FERMT2: variants seen among roughly 807,000 people sequenced by gnomAD.
FERMT2 encodes the protein fermitin family homolog 2.
A neutral mutation model predicts 82.7 loss-of-function variants in FERMT2; 15 were observed. The observed-to-expected ratio is 0.18, with a 90% CI of 0.12 to 0.28. FERMT2 has a LOEUF of 0.28. FERMT2 is among the 10% of genes least tolerant of loss of function. The pLI, the probability that FERMT2 is intolerant of heterozygous loss-of-function variation, is 1.00. For synonymous variants in FERMT2, 274 were observed against 271.5 expected, an observed-to-expected ratio of 1.01 and a Z score of -0.09; for missense variants, 645 against 809.4, an observed-to-expected ratio of 0.80 and a Z score of 2.46.
chr14:52,874,294 G>T, intron 8 of FERMT2, 68 bp from the exon 9 acceptor site: 1 of 938,942 alleles, frequency 1.1e-6, no homozygotes, highest in Non-Finnish European at 1.6e-6. Context: ...TTTGGTATCT[G>T]ATATCAAGAA....
intron 9 of FERMT2, among the ~76,000 whole-genome samples, chr14:52,873,275 G>C (rs1885742234): frequency 6.6e-6 from 1 of 152,196 alleles, no homozygotes; most frequent in African/African-American, 2.4e-5. Flanking sequence ...AAAATTCCTA[G>C]ATCCTGTAAT....
intron 3 of FERMT2, among the ~76,000 whole-genome samples, chr14:52,901,205 C>T (rs1312097415): frequency 7.4e-6 from 1 of 134,808 alleles, no homozygotes; most frequent in Non-Finnish European, 1.5e-5. Context: ...GGCTTGAACC[C>T]GGGAGGCGGA....
chr14:52,866,488 A>G (rs560298074), intron 10 of FERMT2, among the ~76,000 whole-genome samples: 1 of 152,184 alleles, frequency 6.6e-6, no homozygotes, highest in Non-Finnish European at 1.5e-5. Context: ...CTGTCTTCAC[A>G]TTATACATTC....
At chr14:52,927,670 G>C (rs1352754672) in intron 2 of FERMT2, among the ~76,000 whole-genome samples, 1 of 148,644 alleles carries the variant, frequency 6.7e-6, no homozygotes, top group Non-Finnish European at 1.5e-5. Context: ...CCTGGAGGCT[G>C]AGGTGGGAGG....
chr14:52,928,972 T>C (rs1889437328), intron 2 of FERMT2, among the ~76,000 whole-genome samples: 1 of 152,172 alleles, frequency 6.6e-6, no homozygotes, highest in Non-Finnish European at 1.5e-5. Context: ...AGGTGTCTCA[T>C]CCATTCTCAT....
intron 2 of FERMT2, among the ~76,000 whole-genome samples, chr14:52,947,284 C>T (rs543258962): frequency 1.3e-4 from 20 of 152,264 alleles, no homozygotes; most frequent in African/African-American, 1.9e-4. Flanking sequence ...TCAAGACCAT[C>T]CCGGTTAACA....
intron 3 of FERMT2, among the ~76,000 whole-genome samples, chr14:52,903,112 A>C (rs75278020): frequency 0.017 from 2,639 of 152,136 alleles, 44 homozygotes; most frequent in Non-Finnish European, 0.026. Context: ...CATCACAATG[A>C]ATGAAAATAA....
In FERMT2 at chr14:52,861,348, TCTTTC is replaced by T. The variant is rs1884925670; in HGVS notation, c.1603-888_1603-884del. On this transcript the variant is annotated intron_variant, in intron 12 of 14. Transcript: ENST00000341590. ...GGAGAAGATAAAAAGAGCAAATATT[TCTTTC>T]CCCCTACATCGTGTACCCAGTTACA... The T allele has an allele frequency of 1.2e-5, 4 of 327,616 alleles. No homozygotes were observed. The Middle Eastern group carries it at 2.8e-3, about 226-fold the overall frequency. 20.3% of individuals were successfully genotyped at this position (327,616 alleles called of 1,614,324 possible).
chr14:52,919,494 A>G, intron 2 of FERMT2, 138 bp from the exon 3 acceptor site: 1 of 636,636 alleles, frequency 1.6e-6, no homozygotes, highest in East Asian at 2.7e-5. Context: ...CAGGTACAAA[A>G]GAAACATTAA....
At chr14:52,915,012 G>A (rs1297268220) in intron 3 of FERMT2, among the ~76,000 whole-genome samples, 2 of 152,062 alleles carry the variant, frequency 1.3e-5, no homozygotes, top group African/African-American at 4.8e-5. Context: ...AAAGAGTTCA[G>A]TAAGGTATCA....
intron 3 of FERMT2, among the ~76,000 whole-genome samples, chr14:52,915,587 A>G (rs146293817): frequency 4.7e-4 from 71 of 152,322 alleles, no homozygotes; most frequent in African/African-American, 1.6e-3. Context: ...GCTATACTAC[A>G]TCTCTATTTC....
intron 2 of FERMT2, among the ~76,000 whole-genome samples, chr14:52,926,411 AACACACACACACACACACAC>A (rs34726532): frequency 8.8e-5 from 13 of 147,072 alleles, no homozygotes; most frequent in African/African-American, 1.3e-4. Flanking sequence ...GACCAAGTGC[AACACACACACACACACACAC>A]ACACACACAC....
At chr14:52,948,586 T>G (rs1257279023) in intron 2 of FERMT2, 1 of 455,544 alleles carries the variant, frequency 2.2e-6, no homozygotes, top group Admixed American at 2.4e-5. Flanking sequence ...TTTCTCTGCA[T>G]AAAAAATTAA....
At chr14:52,902,372 G>A (rs1365428842) in intron 3 of FERMT2, among the ~76,000 whole-genome samples, 2 of 147,698 alleles carry the variant, frequency 1.4e-5, no homozygotes, top group African/African-American at 5.0e-5. Context: ...CAGCTTGGGC[G>A]ACAACAGCAA....
chr14:52,875,324 CTGA>C lies in FERMT2; in HGVS notation c.994_996del (p.Ser332del). ...TTGTCACTGTTGTTCAAATGATTCTCTGATGTCATGATTGACAGCTTATTGATA... is the reference window on the plus strand; with the variant it reads ...TTGTCACTGTTGTTCAAATGATTCTCTGTCATGATTGACAGCTTATTGATA... On this transcript the variant is annotated inframe_deletion, in exon 8 of 15. Coordinates refer to ENST00000341590, the MANE Select transcript of FERMT2 (RefSeq NM_006832.3). 6.2e-7 allele frequency: 1 copy of C among 1,609,840 alleles called. No individual in the cohort carries two copies. Among genetic ancestry groups the C allele is most frequent in the Non-Finnish European group, 8.5e-7 (1 of 1,176,570 alleles).
At chr14:52,876,594 A>G (rs1885968849) in intron 7 of FERMT2, among the ~76,000 whole-genome samples, 1 of 152,218 alleles carries the variant, frequency 6.6e-6, no homozygotes, top group Admixed American at 6.5e-5. Context: ...TGCAAGGGAT[A>G]TCTTAAATTT....
intron 10 of FERMT2, among the ~76,000 whole-genome samples, chr14:52,871,098 A>G (rs559805723): frequency 3.7e-4 from 57 of 152,304 alleles, no homozygotes; most frequent in Middle Eastern, 3.4e-3. Context: ...GTGGGAAACC[A>G]GGAGACTATG....
chr14:52,894,899 A>C (rs1009974230), intron 3 of FERMT2, among the ~76,000 whole-genome samples: 19 of 151,566 alleles, frequency 1.3e-4, no homozygotes, highest in Non-Finnish European at 1.3e-4. Context: ...AAAAAAAAAA[A>C]AAACCCCAAC....
chr14:52,932,286 G>A (rs1374426859), intron 2 of FERMT2, among the ~76,000 whole-genome samples: 5 of 152,086 alleles, frequency 3.3e-5, no homozygotes, highest in African/African-American at 1.2e-4. Context: ...TGAATATGAG[G>A]CCAAAAGACT....
Sources: gnomAD v4.1 joint callset for allele counts (sites outside exome capture counted in the v4.1 genomes callset) on GRCh38, gnomAD v4.1.1 for gene constraint, MANE v1.5 for transcripts, NCBI Gene and HGNC (gene_info 2026-07-23, HGNC 2026-07-21) for gene names.